LDB2: variants seen among roughly 807,000 people sequenced by gnomAD.
LDB2 encodes LIM domain-binding protein 2.
Under a neutral mutation model 44.3 loss-of-function variants are expected in LDB2, and 12 were observed. The observed-to-expected ratio is 0.27, with a 90% CI of 0.17 to 0.44. LDB2 has a LOEUF of 0.44. LDB2 is among the 20% of genes least tolerant of loss of function. LDB2 has a pLI of 1.00. For synonymous variants in LDB2, 164 were observed against 174.8 expected, an observed-to-expected ratio of 0.94 and a Z score of 0.49; for missense variants, 344 against 473.5, an observed-to-expected ratio of 0.73 and a Z score of 2.54.
intron 1 of LDB2, among the ~76,000 whole-genome samples, chr4:16,812,196 G>A (rs1321131418): frequency 6.6e-6 from 1 of 152,166 alleles, no homozygotes; most frequent in Non-Finnish European, 1.5e-5. Context: ...TGTCAGAGAT[G>A]CAGCTTCTTA....
intron 5 of LDB2, among the ~76,000 whole-genome samples, chr4:16,544,015 G>C (rs567552096): frequency 2.0e-5 from 3 of 151,974 alleles, no homozygotes; most frequent in Non-Finnish European, 2.9e-5. Context: ...GCTAGACTTT[G>C]GAGACATGGC....
intron 1 of LDB2, among the ~76,000 whole-genome samples, chr4:16,844,789 C>G (rs1167205199): frequency 6.6e-6 from 1 of 152,206 alleles, no homozygotes; most frequent in African/African-American, 2.4e-5. Flanking sequence ...TTGCAGAAGC[C>G]CTGAAAACAT....
intron 2 of LDB2, among the ~76,000 whole-genome samples, chr4:16,733,404 G>T (rs181813442): frequency 1.3e-4 from 20 of 152,038 alleles, no homozygotes; most frequent in African/African-American, 4.3e-4. Flanking sequence ...CAGCTGGAAT[G>T]GTTGTCTTGA....
At chr4:16,638,184 T>C (rs540579442) in intron 2 of LDB2, among the ~76,000 whole-genome samples, 1 of 152,262 alleles carries the variant, frequency 6.6e-6, no homozygotes, top group Non-Finnish European at 1.5e-5. Context: ...CTAGAAAATG[T>C]ATTAGAAAGG....
chr4:16,723,473 T>C (rs912803962), intron 2 of LDB2, among the ~76,000 whole-genome samples: 2 of 152,154 alleles, frequency 1.3e-5, no homozygotes, highest in Non-Finnish European at 2.9e-5. Context: ...GTGACCTAAT[T>C]ACCTCTTAAA....
Position 16,659,665 on chromosome 4 carries a change from A to ATGTGTG in LDB2, c.236-63796_236-63791dup, listed in dbSNP as rs1285754753. Among the ~76,000 whole-genome samples, 280 of 103,690 alleles carry ATGTGTG rather than the reference A, an allele frequency of 2.7e-3. 1 individual carries two copies. Among genetic ancestry groups the ATGTGTG allele is most frequent in the Non-Finnish European group, 3.4e-3 (151 of 45,056 alleles). The allele number at this position is 103,690 out of a possible 152,430, so 68.0% of individuals were successfully genotyped here. The stretch of plus-strand genomic sequence containing the variant: ...TACACACACACATATGAGTATATCT[A>ATGTGTG]TGTGTGTATATATATATATATATAT... On this transcript the variant is annotated intron_variant, in intron 2 of 7. Coordinates refer to ENST00000304523, the MANE Select transcript of LDB2 (RefSeq NM_001290.5).
intron 2 of LDB2, among the ~76,000 whole-genome samples, chr4:16,622,009 C>A (rs966857111): frequency 6.6e-6 from 1 of 152,198 alleles, no homozygotes; most frequent in African/African-American, 2.4e-5. Context: ...TAAAAAGTAA[C>A]CGCAATTACT....
At chr4:16,780,718 T>A (rs186962483) in intron 1 of LDB2, among the ~76,000 whole-genome samples, 2,114 of 135,124 alleles carry the variant, frequency 0.016, 45 homozygotes, top group African/African-American at 0.073. Context: ...GTATTTCAAT[T>A]TTTTTTTTTT....
intron 5 of LDB2, among the ~76,000 whole-genome samples, chr4:16,544,434 T>C (rs897591683): frequency 2.0e-5 from 3 of 152,140 alleles, no homozygotes; most frequent in Admixed American, 2.0e-4. Context: ...CACTGTGAGA[T>C]GACAAAACCC....
intron 7 of LDB2, among the ~76,000 whole-genome samples, chr4:16,507,981 A>G (rs1284114415): frequency 6.6e-6 from 1 of 152,232 alleles, no homozygotes; most frequent in Non-Finnish European, 1.5e-5. Context: ...GAGAGAGTTG[A>G]GACCAAACCA....
intron 2 of LDB2, among the ~76,000 whole-genome samples, chr4:16,649,040 A>G (rs757072955): frequency 1.3e-5 from 2 of 152,244 alleles, no homozygotes; most frequent in Non-Finnish European, 2.9e-5. Context: ...CTACTTTCTT[A>G]TGTAGTAAAG....
chr4:16,657,176 A>T (rs991772488), intron 2 of LDB2, among the ~76,000 whole-genome samples: 4 of 152,200 alleles, frequency 2.6e-5, no homozygotes. Flanking sequence ...TCTTCTCAAC[A>T]CTCAACACAA....
intron 2 of LDB2, among the ~76,000 whole-genome samples, chr4:16,737,924 G>C (rs565736389): frequency 6.6e-6 from 1 of 152,062 alleles, no homozygotes; most frequent in South Asian, 2.1e-4. Flanking sequence ...CTCAATGGAG[G>C]GACTTTAGAA....
At chr4:16,775,452 GTAA>G (rs141372434) in intron 1 of LDB2, among the ~76,000 whole-genome samples, 2,439 of 152,230 alleles carry the variant, frequency 0.016, 70 homozygotes, top group African/African-American at 0.056. Context: ...GTAAAAAATG[GTAA>G]TAATAAGTGT....
chr4:16,876,867 G>A (rs1238708619), intron 1 of LDB2, among the ~76,000 whole-genome samples: 1 of 150,446 alleles, frequency 6.6e-6, no homozygotes, highest in South Asian at 2.1e-4. Flanking sequence ...TTTAACCATT[G>A]ATTCAGTGAA....
intron 2 of LDB2, among the ~76,000 whole-genome samples, chr4:16,688,680 A>T (rs1249552419): frequency 6.6e-6 from 1 of 152,194 alleles, no homozygotes; most frequent in African/African-American, 2.4e-5. Flanking sequence ...TTCAAAACAG[A>T]GAATGGGCTG....
At chr4:16,883,531 T>C (rs772223251) in intron 1 of LDB2, among the ~76,000 whole-genome samples, 5 of 152,212 alleles carry the variant, frequency 3.3e-5, no homozygotes, top group Non-Finnish European at 7.3e-5. Flanking sequence ...CACTTAGGGC[T>C]TGGGACGTTC....
intron 5 of LDB2, among the ~76,000 whole-genome samples, chr4:16,524,099 A>C (rs945937619): frequency 1.6e-4 from 24 of 152,222 alleles, no homozygotes; most frequent in African/African-American, 5.3e-4. Flanking sequence ...GGTAGGATGG[A>C]AAACAAATGG....
chr4:16,535,479 C>T (rs1731506261), intron 5 of LDB2, among the ~76,000 whole-genome samples: 1 of 152,174 alleles, frequency 6.6e-6, no homozygotes, highest in African/African-American at 2.4e-5. Flanking sequence ...GGTTCTATGT[C>T]AGATACAATA....
Sources: allele counts gnomAD v4.1 joint callset (sites outside exome capture counted in the v4.1 genomes callset), GRCh38; gene constraint gnomAD v4.1.1; transcripts MANE v1.5; gene names NCBI Gene and HGNC (gene_info 2026-07-23, HGNC 2026-07-21).